Variants in ZDHHC2 observed in about 807,000 individuals in gnomAD.
ZDHHC2 encodes palmitoyltransferase ZDHHC2.
A neutral mutation model predicts 55.6 loss-of-function variants in ZDHHC2; 51 were observed. That is an observed-to-expected ratio of 0.92 (90% confidence interval 0.73 to 1.16). ZDHHC2 has a LOEUF of 1.16. ZDHHC2 is among the 50% of genes most tolerant of loss of function. The probability of loss-of-function intolerance (pLI) is 0.00; values close to 1 mark genes in which losing one functional copy is unlikely to be tolerated. For synonymous variants in ZDHHC2, 199 were observed against 152.9 expected (o/e 1.30, Z -2.22); for missense variants, 491 against 442.4 (o/e 1.11, Z -0.99).
chr8:17,198,504 A>G lies in ZDHHC2; in HGVS notation c.476+91A>G. On this transcript the variant is annotated intron_variant, in intron 6 of 12. Transcript: ENST00000262096. ...TCCATGTAAATCTTTTCACACATGA[A>G]ATATTACTTGAGTTGACATAGCAGG... 3 of 1,218,738 alleles carry G rather than the reference A, an allele frequency of 2.5e-6. No individual in the cohort carries two copies. In the Admixed American group the frequency reaches 8.4e-5, roughly 34 times the overall value. The allele number at this position is 1,218,738 out of a possible 1,614,324, so 75.5% of individuals were successfully genotyped here.
chr8:17,194,293 G>C (rs1163941550), intron 3 of ZDHHC2, among the ~76,000 whole-genome samples: 1 of 148,692 alleles, frequency 6.7e-6, no homozygotes, highest in African/African-American at 2.5e-5. Flanking sequence ...TTTTTAAATT[G>C]TAAAATATTT....
At chr8:17,210,246 C>G (rs1807309081) in intron 9 of ZDHHC2, 142 bp from the exon 10 acceptor site, 2 of 1,045,970 alleles carry the variant, frequency 1.9e-6, no homozygotes, top group Non-Finnish European at 2.7e-6. Flanking sequence ...TCTTCCTGAA[C>G]ACTATGTTGA....
chr8:17,202,535 G>T (rs1000483798), intron 6 of ZDHHC2, among the ~76,000 whole-genome samples: 1 of 152,070 alleles, frequency 6.6e-6, no homozygotes, highest in African/African-American at 2.4e-5. Context: ...TATTTTCCTA[G>T]AACGTGTTTT....
At chr8:17,171,882 A>T (rs1164022205) in intron 1 of ZDHHC2, among the ~76,000 whole-genome samples, 1 of 151,526 alleles carries the variant, frequency 6.6e-6, no homozygotes, top group Non-Finnish European at 1.5e-5. Flanking sequence ...CCTTGTTTGC[A>T]CCTGAGTTGA....
intron 7 of ZDHHC2, among the ~76,000 whole-genome samples, chr8:17,206,946 A>C (rs1807129653): frequency 6.6e-6 from 1 of 152,220 alleles, no homozygotes; most frequent in Non-Finnish European, 1.5e-5. Flanking sequence ...ATGAGTGAAG[A>C]GACCTGCTGC....
At chr8:17,210,365 C>A (rs763064629) in intron 9 of ZDHHC2, 23 bp from the exon 10 acceptor site, 4 of 1,603,422 alleles carry the variant, frequency 2.5e-6, no homozygotes, top group Non-Finnish European at 1.7e-6. Context: ...TGGTTCAGTT[C>A]TAAATTTTTA....
rs749210254 is a variant in ZDHHC2, at chr8:17,215,247, C to T, written c.961C>T (p.His321Tyr). 6.3e-7 allele frequency: 1 copy of T among 1,594,542 alleles called. No homozygotes were observed. The highest frequency in any genetic ancestry group is 8.5e-7 in the Non-Finnish European group (1 of 1,170,504). ...LNSTAKNLENHQFPAKPLRES... is the reference protein window; with the variant it reads ...LNSTAKNLENYQFPAKPLRES... The stretch of plus-strand genomic sequence containing the variant: ...TCAATTATTATTCAGTCTCGAAAAC[C>T]ATCAGTTTCCTGCAAAGCCATTGAG... Residue 321 changes from histidine (H) to tyrosine (Y), a missense_variant, in exon 11 of 13, where the codon CAT becomes TAT. Coordinates refer to ENST00000262096, the MANE Select transcript of ZDHHC2 (RefSeq NM_016353.5).
chr8:17,188,432 C>T (rs1805840668), intron 3 of ZDHHC2, among the ~76,000 whole-genome samples: 1 of 152,176 alleles, frequency 6.6e-6, no homozygotes, highest in Non-Finnish European at 1.5e-5. Flanking sequence ...TTCTTAACTA[C>T]ACATAGTTTC....
chr8:17,182,251 C>T (rs1012100877), intron 1 of ZDHHC2, among the ~76,000 whole-genome samples: 9 of 152,082 alleles, frequency 5.9e-5, no homozygotes, highest in Non-Finnish European at 2.9e-5. Flanking sequence ...TATGAGATTT[C>T]TGTCCAGAAT....
intron 6 of ZDHHC2, among the ~76,000 whole-genome samples, chr8:17,204,718 A>C (rs1408688354): frequency 6.6e-6 from 1 of 152,186 alleles, no homozygotes; most frequent in Non-Finnish European, 1.5e-5. Context: ...TACTAGGCTT[A>C]ATACCTGGGT....
intron 1 of ZDHHC2, among the ~76,000 whole-genome samples, chr8:17,176,497 A>G (rs1805140566): frequency 6.6e-6 from 1 of 152,050 alleles, no homozygotes; most frequent in East Asian, 1.9e-4. Flanking sequence ...ATTTAAGATA[A>G]TTTTATAGCC....
intron 6 of ZDHHC2, 118 bp from the exon 7 acceptor site, chr8:17,205,537 A>G (rs1807056799): frequency 8.6e-7 from 1 of 1,165,072 alleles, no homozygotes; most frequent in Admixed American, 2.9e-5. Flanking sequence ...CTTATGAGTT[A>G]TATTTAAAGA....
At chr8:17,198,077 A>G (rs1408686173) in intron 5 of ZDHHC2, among the ~76,000 whole-genome samples, 1 of 152,188 alleles carries the variant, frequency 6.6e-6, no homozygotes, top group East Asian at 1.9e-4. Context: ...AATCCGTTGC[A>G]GTTTTGTTCT....
chr8:17,198,286 CAGCTGTTTG>C (rs1223920859), intron 5 of ZDHHC2, 86 bp from the exon 6 acceptor site: 1 of 1,175,948 alleles, frequency 8.5e-7, no homozygotes, highest in Non-Finnish European at 1.1e-6. Context: ...TTACTTGCCG[CAGCTGTTTG>C]AACTAACCAT....
chr8:17,184,024 A>G (rs1341229929), intron 1 of ZDHHC2, among the ~76,000 whole-genome samples: 1 of 152,204 alleles, frequency 6.6e-6, no homozygotes, highest in Non-Finnish European at 1.5e-5. Flanking sequence ...ACAAAAATAT[A>G]CAAAGTCAGA....
intron 1 of ZDHHC2, among the ~76,000 whole-genome samples, chr8:17,165,252 G>A (rs1804547819): frequency 6.6e-6 from 1 of 152,104 alleles, no homozygotes; most frequent in Admixed American, 6.5e-5. Flanking sequence ...CTACTAAGTG[G>A]GCAACTCCAT....
At chr8:17,184,857 T>A in intron 2 of ZDHHC2, 42 bp downstream of exon 2, 1 of 1,485,940 alleles carries the variant, frequency 6.7e-7, no homozygotes, top group Admixed American at 2.4e-5. Flanking sequence ...TTTAAATAGT[T>A]TGAAAAAAAA....
chr8:17,186,377 G>C lies in ZDHHC2; in HGVS notation c.204G>C (p.Trp68Cys). ...ATCTACTTTTTGCAATGTTTGTCTG[G>C]TCATACTGGAAAACTATCTTTACAT... ...AYHLLFAMFV[W>C]SYWKTIFTLP... Residue 68 changes from tryptophan (W) to cysteine (C), a missense_variant, in exon 3 of 13, where the codon TGG becomes TGC. Transcript: ENST00000262096. 6.3e-7 allele frequency: 1 copy of C among 1,587,356 alleles called. No individual in the cohort carries two copies. Among genetic ancestry groups the C allele is most frequent in the South Asian group, 1.2e-5 (1 of 85,330 alleles).
intron 1 of ZDHHC2, among the ~76,000 whole-genome samples, chr8:17,161,256 A>G (rs1359465649): frequency 6.6e-6 from 1 of 152,212 alleles, no homozygotes; most frequent in East Asian, 1.9e-4. Context: ...ACACAGAAGA[A>G]GAAATGTTTT....
Sources: gnomAD v4.1 joint callset for allele counts (sites outside exome capture counted in the v4.1 genomes callset) on GRCh38, gnomAD v4.1.1 for gene constraint, MANE v1.5 for transcripts, NCBI Gene and HGNC (gene_info 2026-07-23, HGNC 2026-07-21) for gene names.